The following SHROOM3 variants were observed in gnomAD, a reference collection of about 807,000 sequenced individuals.
The protein encoded by SHROOM3 is shroom family member 3.
A neutral mutation model predicts 138.6 loss-of-function variants in SHROOM3; 47 were observed. That is an observed-to-expected ratio of 0.34 (90% CI 0.27 to 0.43). The LOEUF (loss-of-function observed/expected upper bound fraction) is 0.43, where lower values mean the gene tolerates loss of function less well. Ranked by LOEUF, SHROOM3 falls within the 20% of genes least tolerant of loss-of-function variation. The pLI is 1.00. For missense variants in SHROOM3, 2,491 were observed against 2,596.5 expected (o/e 0.96, Z 0.88); for synonymous variants, 1,062 against 1,063.3 (o/e 1.00, Z 0.02).
intron 1 of SHROOM3, among the ~76,000 whole-genome samples, chr4:76,530,404 G>A (rs1246426740): frequency 6.6e-6 from 1 of 152,138 alleles, no homozygotes; most frequent in Admixed American, 6.5e-5. Flanking sequence ...GCCTTGATCA[G>A]CTGCTGTGAT....
At chr4:76,656,108 G>A (rs1248731348) in intron 2 of SHROOM3, among the ~76,000 whole-genome samples, 1 of 152,154 alleles carries the variant, frequency 6.6e-6, no homozygotes, top group Non-Finnish European at 1.5e-5. Flanking sequence ...CAGGAGAGCT[G>A]GCAGGGAGTT....
At chr4:76,653,202 G>T (rs142299042) in intron 2 of SHROOM3, among the ~76,000 whole-genome samples, 2 of 152,038 alleles carry the variant, frequency 1.3e-5, no homozygotes, top group Non-Finnish European at 2.9e-5. Context: ...AGCGGTCAGG[G>T]TTAGGAATCC....
intron 2 of SHROOM3, among the ~76,000 whole-genome samples, chr4:76,623,865 G>T (rs4330370): frequency 0.65 from 99,304 of 151,970 alleles, 33,116 homozygotes; most frequent in East Asian, 0.94. Context: ...AGGGGAGAAA[G>T]ATATTCCTTG....
intron 2 of SHROOM3, among the ~76,000 whole-genome samples, chr4:76,689,183 C>T (rs960108049): frequency 6.6e-6 from 1 of 152,064 alleles, no homozygotes; most frequent in Non-Finnish European, 1.5e-5. Flanking sequence ...GGTCCGGTCC[C>T]CTTAATACCG....
At chr4:76,497,237 A>G (rs1731987664) in intron 1 of SHROOM3, among the ~76,000 whole-genome samples, 2 of 152,208 alleles carry the variant, frequency 1.3e-5, no homozygotes, top group South Asian at 4.1e-4. Context: ...TAATCCCAAC[A>G]GTATGTCTGG....
Position 76,699,179 on chromosome 4 carries a change from C to T in SHROOM3, c.324-10977C>T, listed in dbSNP as rs151003194. ...ATAGTGGCCAGGAACTGGCAGAGAT[C>T]AGATTAGAACCCAGGTTGATCCAGC... On this transcript the variant is annotated intron_variant, in intron 2 of 10. Transcript: ENST00000296043. Among the ~76,000 whole-genome samples the T allele has an allele frequency of 1.5e-3, 234 of 152,336 alleles. 1 individual carries two copies. The highest frequency in any genetic ancestry group is 3.4e-3 in the Middle Eastern group (1 of 294).
chr4:76,596,234 T>A (rs1034858258), intron 2 of SHROOM3, among the ~76,000 whole-genome samples: 4 of 152,120 alleles, frequency 2.6e-5, no homozygotes, highest in Admixed American at 6.6e-5. Flanking sequence ...TTCAGTAATG[T>A]GCTGGGACAT....
intron 1 of SHROOM3, among the ~76,000 whole-genome samples, chr4:76,479,280 C>T (rs1241187814): frequency 6.6e-6 from 1 of 151,836 alleles, no homozygotes; most frequent in Admixed American, 6.6e-5. Flanking sequence ...TAGAGAAGAA[C>T]ATAAATGACC....
chr4:76,778,704 A>C, intron 10 of SHROOM3, 105 bp from the exon 11 acceptor site: 40 of 1,487,624 alleles, frequency 2.7e-5, no homozygotes, highest in Non-Finnish European at 3.3e-5. Context: ...CAATAGGAAT[A>C]GAGCTTAGAT....
rs974893554 is a variant in SHROOM3, at chr4:76,608,613, T to A, written c.323+52850T>A. ...AGCATAGCATAGCATAGCATAGCAT[T>A]GGACAGAGATGGTATAGCATAGCAT... On this transcript the variant is annotated intron_variant, in intron 2 of 10. Transcript: ENST00000296043. Among the ~76,000 whole-genome samples the A allele has an allele frequency of 7.2e-4, 61 of 84,680 alleles. 2 individuals carry two copies. Among genetic ancestry groups the A allele is most frequent in the East Asian group, 1.6e-3 (3 of 1,906 alleles). The allele number at this position is 84,680 out of a possible 152,430, so 55.6% of individuals were successfully genotyped here.
At chr4:76,636,397 T>C (rs991932430) in intron 2 of SHROOM3, among the ~76,000 whole-genome samples, 1 of 152,192 alleles carries the variant, frequency 6.6e-6, no homozygotes, top group African/African-American at 2.4e-5. Flanking sequence ...GTGTAGTCAC[T>C]TTCACATAAA....
At chr4:76,761,010 C>G (rs1553951125) in intron 9 of SHROOM3, among the ~76,000 whole-genome samples, 2 of 152,164 alleles carry the variant, frequency 1.3e-5, no homozygotes, top group Non-Finnish European at 2.9e-5. Context: ...GCTTTTCCTC[C>G]CTATCTTAAT....
intron 1 of SHROOM3, among the ~76,000 whole-genome samples, chr4:76,464,176 A>G (rs1001964504): frequency 2.0e-5 from 3 of 152,252 alleles, no homozygotes; most frequent in African/African-American, 7.2e-5. Flanking sequence ...GCAGAGCCAC[A>G]GGGGTGGAGC....
chr4:76,597,979 A>T (rs1386781120), intron 2 of SHROOM3, among the ~76,000 whole-genome samples: 5 of 151,872 alleles, frequency 3.3e-5, no homozygotes, highest in African/African-American at 1.2e-4. Flanking sequence ...TCTTGCTTTC[A>T]GAGAATGCAG....
At chr4:76,773,067 G>A (rs1722416543) in intron 10 of SHROOM3, among the ~76,000 whole-genome samples, 1 of 152,046 alleles carries the variant, frequency 6.6e-6, no homozygotes. Flanking sequence ...GTGATTGCTT[G>A]GTTTTGTTTT....
At chr4:76,536,745 T>C (rs1579220563) in intron 1 of SHROOM3, among the ~76,000 whole-genome samples, 1 of 152,344 alleles carries the variant, frequency 6.6e-6, no homozygotes, top group East Asian at 1.9e-4. Flanking sequence ...TTTTAACTCC[T>C]TCCTATCCAG....
At chr4:76,639,250 T>C (rs1470061787) in intron 2 of SHROOM3, among the ~76,000 whole-genome samples, 1 of 152,198 alleles carries the variant, frequency 6.6e-6, no homozygotes, top group Non-Finnish European at 1.5e-5. Flanking sequence ...CTACCTACTG[T>C]TGAGGTAGAT....
At chr4:76,742,201 G>GA (rs1272684842) in intron 5 of SHROOM3, 5 of 494,830 alleles carry the variant, frequency 1.0e-5, no homozygotes, top group Admixed American at 6.7e-5. Context: ...CCTCTCAATG[G>GA]AAAAATGCAA....
At chr4:76,701,251 A>G (rs1211174085) in intron 2 of SHROOM3, among the ~76,000 whole-genome samples, 1 of 152,190 alleles carries the variant, frequency 6.6e-6, no homozygotes, top group East Asian at 1.9e-4. Flanking sequence ...TCTGAATTTC[A>G]GTCAGTCTAC....
Sources: allele counts gnomAD v4.1 joint callset (sites outside exome capture counted in the v4.1 genomes callset), GRCh38; gene constraint gnomAD v4.1.1; transcripts MANE v1.5; gene names NCBI Gene and HGNC (gene_info 2026-07-23, HGNC 2026-07-21).